TOX2: variants seen among roughly 807,000 people sequenced by gnomAD.
The protein encoded by TOX2 is TOX high mobility group box family member 2, also known as granulosa cell HMG box 1.
Under a neutral mutation model 47.4 loss-of-function variants are expected in TOX2, and 15 were observed. That is an observed-to-expected ratio of 0.32 (90% CI 0.21 to 0.49). The LOEUF is 0.49. Among genes scored for constraint, TOX2 ranks in the 20% least tolerant of loss-of-function variants. TOX2 has a pLI of 0.99. For synonymous variants in TOX2, 290 were observed against 296.6 expected, an observed-to-expected ratio of 0.98 and a Z score of 0.23; for missense variants, 622 against 673.1, an observed-to-expected ratio of 0.92 and a Z score of 0.84.
At chr20:43,919,632 C>T (rs770692635) in intron 1 of TOX2, among the ~76,000 whole-genome samples, 61 of 152,136 alleles carry the variant, frequency 4.0e-4, no homozygotes, top group Non-Finnish European at 7.6e-4. Flanking sequence ...AGTTAAGCCC[C>T]GCATGCATTA....
chr20:44,049,900 C>G (rs559595591), intron 3 of TOX2, among the ~76,000 whole-genome samples: 1 of 152,208 alleles, frequency 6.6e-6, no homozygotes, highest in South Asian at 2.1e-4. Context: ...TGATGGGTAT[C>G]TGGGCTGATT....
chr20:44,022,509 C>T (rs1343173575), intron 3 of TOX2, among the ~76,000 whole-genome samples: 3 of 152,158 alleles, frequency 2.0e-5, no homozygotes, highest in African/African-American at 7.2e-5. Flanking sequence ...TTTCTGGTTC[C>T]CCCAGGAAGT....
chr20:43,975,679 G>A (rs79542755), intron 2 of TOX2, among the ~76,000 whole-genome samples: 6,096 of 152,072 alleles, frequency 0.04, 395 homozygotes, highest in African/African-American at 0.13. Context: ...CATTAAAATG[G>A]CACCAGGTCT....
At chr20:44,012,222 GT>G (rs2070789164) in intron 3 of TOX2, among the ~76,000 whole-genome samples, 1 of 152,214 alleles carries the variant, frequency 6.6e-6, no homozygotes, top group South Asian at 2.1e-4. Context: ...CTTCTGTTAA[GT>G]CTGAAATCAT....
chr20:43,973,092 A>G (rs2070005706), intron 1 of TOX2, among the ~76,000 whole-genome samples: 1 of 152,254 alleles, frequency 6.6e-6, no homozygotes, highest in Non-Finnish European at 1.5e-5. Flanking sequence ...GTCTATGGAC[A>G]AGTTATAGAG....
At chr20:44,047,029 T>G (rs1018626658) in intron 3 of TOX2, among the ~76,000 whole-genome samples, 9 of 152,176 alleles carry the variant, frequency 5.9e-5, no homozygotes, top group African/African-American at 2.2e-4. Context: ...AAGGATACAT[T>G]AAATAAAAAC....
chr20:43,993,464 G>C (rs1186591597), intron 2 of TOX2, among the ~76,000 whole-genome samples: 1 of 152,020 alleles, frequency 6.6e-6, no homozygotes, highest in Admixed American at 6.6e-5. Flanking sequence ...TTGGAGATGG[G>C]GATGAGAGAG....
chr20:43,937,694 C>T (rs1270880406), intron 1 of TOX2, among the ~76,000 whole-genome samples: 2 of 152,150 alleles, frequency 1.3e-5, no homozygotes, highest in South Asian at 2.1e-4. Context: ...CCAGCCTCTA[C>T]GTCCATGTGC....
chr20:43,925,858 C>T lies in TOX2; in HGVS notation c.99+10868C>T, dbSNP rs565619175. Among the ~76,000 whole-genome samples, 10 of 152,276 alleles carry T rather than the reference C, an allele frequency of 6.6e-5. No homozygotes were observed. The South Asian group carries it at 2.1e-3, about 32-fold the overall frequency. On this transcript the variant is annotated intron_variant, in intron 1 of 8. Coordinates refer to ENST00000341197, the MANE Select transcript of TOX2 (RefSeq NM_001098797.2). ...TGAGAAGACTGAGGTCCAGATGAAT[C>T]AAGTAACAGAAGGGTGGCAGAGGGG... is the stretch of plus-strand genomic sequence containing the variant.
At chr20:44,038,221 C>T (rs966106594) in intron 3 of TOX2, among the ~76,000 whole-genome samples, 36 of 152,090 alleles carry the variant, frequency 2.4e-4, no homozygotes, top group Admixed American at 1.5e-3. Context: ...CATAGAGAGA[C>T]CCTGTATCTA....
Position 44,066,852 on chromosome 20 carries a change from C to T in TOX2, c.1479C>T (p.Thr493=). The change falls in exon 8 of 9, where the codon ACC becomes ACT. Residue 493 remains threonine, a synonymous_variant. Coordinates refer to ENST00000341197, the MANE Select transcript of TOX2 (RefSeq NM_001098797.2). ...SYPSGECGIS[T]CSLLPRDKSL... is the part of the protein sequence containing the mutation. The stretch of plus-strand genomic sequence containing the variant: ...CCAGTGGGGAGTGTGGCATCAGCAC[C>T]TGCAGGTTAGTCCTCGCCCGTCCCT... The T allele has an allele frequency of 2.5e-6, 4 of 1,613,628 alleles. No homozygotes were observed. Among genetic ancestry groups the T allele is most frequent in the Non-Finnish European group, 3.4e-6 (4 of 1,179,740 alleles).
chr20:43,932,042 G>A (rs1569008109), intron 1 of TOX2, among the ~76,000 whole-genome samples: 1 of 152,204 alleles, frequency 6.6e-6, no homozygotes, highest in Non-Finnish European at 1.5e-5. Flanking sequence ...TAACAGGAGG[G>A]AAGATGTATG....
At chr20:44,057,596 A>G (rs2071643781) in intron 5 of TOX2, among the ~76,000 whole-genome samples, 1 of 152,232 alleles carries the variant, frequency 6.6e-6, no homozygotes, top group Admixed American at 6.5e-5. Context: ...GACTTAGAAA[A>G]ATAAGAAAAC....
intron 2 of TOX2, among the ~76,000 whole-genome samples, chr20:43,986,791 C>T (rs887794058): frequency 6.6e-6 from 1 of 152,034 alleles, no homozygotes. Flanking sequence ...TCAGGCCAGG[C>T]GTGGTGGCTC....
At chr20:43,950,216 A>G (rs935320266) in intron 1 of TOX2, among the ~76,000 whole-genome samples, 12 of 152,188 alleles carry the variant, frequency 7.9e-5, no homozygotes, top group Non-Finnish European at 1.5e-4. Flanking sequence ...AACAGGAGCA[A>G]AAATAGCAGC....
intron 1 of TOX2, among the ~76,000 whole-genome samples, chr20:43,963,380 C>T (rs1569039646): frequency 6.6e-6 from 1 of 152,164 alleles, no homozygotes; most frequent in Admixed American, 6.5e-5. Context: ...GGGACATTCC[C>T]AGCTCCTGCG....
chr20:43,979,328 G>C (rs760013733), intron 2 of TOX2, among the ~76,000 whole-genome samples: 11 of 152,268 alleles, frequency 7.2e-5, no homozygotes, highest in Non-Finnish European at 1.3e-4. Context: ...GAGATGTTGA[G>C]CTCCAACATT....
chr20:44,033,023 A>G (rs1267148923), intron 3 of TOX2, among the ~76,000 whole-genome samples: 1 of 152,210 alleles, frequency 6.6e-6, no homozygotes, highest in African/African-American at 2.4e-5. Context: ...GTTTGTTTCA[A>G]TTAAATGCTT....
At chr20:43,999,631 A>G (rs2070540791) in intron 2 of TOX2, among the ~76,000 whole-genome samples, 1 of 152,254 alleles carries the variant, frequency 6.6e-6, no homozygotes, top group Admixed American at 6.5e-5. Flanking sequence ...AAGACTTAAT[A>G]ATGTTAAGAT....
Sources: gnomAD v4.1 joint callset for allele counts (sites outside exome capture counted in the v4.1 genomes callset) on GRCh38, gnomAD v4.1.1 for gene constraint, MANE v1.5 for transcripts, NCBI Gene and HGNC (gene_info 2026-07-23, HGNC 2026-07-21) for gene names.